Variants in ABCC1 observed in about 807,000 individuals in gnomAD.
ABCC1 encodes the protein multidrug resistance-associated protein 1.
Under a neutral mutation model 172.9 loss-of-function variants are expected in ABCC1, and 83 were observed. That is an observed-to-expected ratio of 0.48 (90% CI 0.40 to 0.58). The LOEUF (loss-of-function observed/expected upper bound fraction) is 0.58, where lower values mean the gene tolerates loss of function less well. Ranked by LOEUF, ABCC1 falls within the 20% of genes least tolerant of loss-of-function variation. The pLI, the probability that ABCC1 is intolerant of heterozygous loss-of-function variation, is 0.00. For synonymous variants in ABCC1, 937 were observed against 825.2 expected (o/e 1.14, Z -2.32); for missense variants, 1,817 against 2,002.7 (o/e 0.91, Z 1.77).
chr16:16,026,908 C>G (rs1160869069), intron 5 of ABCC1, among the ~76,000 whole-genome samples: 4 of 152,124 alleles, frequency 2.6e-5, no homozygotes, highest in Admixed American at 2.6e-4. Context: ...CAGAGTGAGA[C>G]TCAGTCTCAA....
At position 16,134,340 on chromosome 16, in the gene ABCC1, T is replaced by C; in HGVS notation, c.3967-10T>C. The C allele has an allele frequency of 6.2e-7, 1 of 1,614,044 alleles. No individual in the cohort carries two copies. Among genetic ancestry groups the C allele is most frequent in the Non-Finnish European group, 8.5e-7 (1 of 1,180,016 alleles). On this transcript the variant is annotated splice_polypyrimidine_tract_variant and intron_variant, in intron 27 of 30. Transcript: ENST00000399410. ...CATTCCCACCACACCTGGGCCCTTC[T>C]GTCCTGCAGGTCGGCATCGTGGGGC...
At chr16:16,095,678 A>T (rs1225408399) in intron 19 of ABCC1, among the ~76,000 whole-genome samples, 1 of 152,086 alleles carries the variant, frequency 6.6e-6, no homozygotes, top group African/African-American at 2.4e-5. Flanking sequence ...CTTTTAAAAA[A>T]TTTTATTTAT....
At chr16:16,094,549 T>C (rs2051388949) in intron 19 of ABCC1, 1 of 154,190 alleles carries the variant, frequency 6.5e-6, no homozygotes, top group South Asian at 2.0e-4. Flanking sequence ...AGTCTTGCTC[T>C]GTCGCCCAGG....
intron 11 of ABCC1, among the ~76,000 whole-genome samples, chr16:16,055,621 C>T (rs1237983365): frequency 1.3e-5 from 2 of 152,030 alleles, no homozygotes; most frequent in African/African-American, 4.8e-5. Flanking sequence ...TTTGGGTCAG[C>T]AGAGTAGGGA....
At chr16:16,050,729 CAAAAAAAAA>C (rs35207136) in intron 10 of ABCC1, among the ~76,000 whole-genome samples, 2 of 66,614 alleles carry the variant, frequency 3.0e-5, no homozygotes, top group Admixed American at 1.8e-4. Context: ...CCTGTCTCTA[CAAAAAAAAA>C]AAAAAAAAAA....
intron 11 of ABCC1, among the ~76,000 whole-genome samples, chr16:16,054,141 A>T (rs900257425): frequency 2.0e-5 from 3 of 151,900 alleles, no homozygotes; most frequent in Non-Finnish European, 4.4e-5. Context: ...CACCCAGCTA[A>T]TCTTTGTATT....
rs372264057 is a variant in ABCC1 at position 16,132,038 on chromosome 16, C to G, written c.3966+103C>G. On this transcript the variant is annotated intron_variant, in intron 27 of 30. Transcript: ENST00000399410. Reference sequence around the variant, plus strand: ...AGCGTCTCCCCAGTCACTCACGGCTCCACACCTTTGCTTGAATGGCTTTTT... The same window carrying G: ...AGCGTCTCCCCAGTCACTCACGGCTGCACACCTTTGCTTGAATGGCTTTTT... The G allele has an allele frequency of 9.8e-6, 14 of 1,429,130 alleles. No individual in the cohort carries two copies. The African/African-American group carries it at 1.4e-4, about 15-fold the overall frequency. 88.5% of individuals were successfully genotyped at this position (1,429,130 alleles called of 1,614,324 possible). A position where few individuals can be genotyped will look rare whatever the true frequency, so the allele number is the denominator to read the frequency against.
intron 26 of ABCC1, 119 bp from the exon 27 acceptor site, chr16:16,131,670 T>G: frequency 8.9e-7 from 1 of 1,128,028 alleles, no homozygotes. Flanking sequence ...AACCCCCCAG[T>G]GCTGAGGCCT....
Position 16,036,505 on chromosome 16 carries a change from G to A in ABCC1, c.711G>A (p.Glu237=). The change falls in exon 7 of 31, where the codon GAG becomes GAA. Residue 237 remains glutamate, a synonymous_variant. Coordinates refer to ENST00000399410, the MANE Select transcript of ABCC1 (RefSeq NM_004996.4). ...LIVRGYRQPL[E]GSDLWSLNKE... is the part of the protein sequence containing the mutation. ...TCCGGGGCTACCGCCAGCCCCTGGA[G>A]GGCAGTGACCTCTGGTCCTTAAACA... is the stretch of plus-strand genomic sequence containing the variant. 6.2e-7 allele frequency: 1 copy of A among 1,613,980 alleles called. No individual in the cohort carries two copies.
At chr16:16,025,859 T>C (rs966353879) in intron 5 of ABCC1, among the ~76,000 whole-genome samples, 8 of 152,164 alleles carry the variant, frequency 5.3e-5, no homozygotes, top group African/African-American at 1.9e-4. Flanking sequence ...TCATTTCAAA[T>C]GAAAGAGGGA....
chr16:15,995,171 T>C (rs936349085), intron 1 of ABCC1, among the ~76,000 whole-genome samples: 1 of 151,900 alleles, frequency 6.6e-6, no homozygotes, highest in African/African-American at 2.4e-5. Flanking sequence ...CTGTGTATGC[T>C]GCTTGCAGGT....
chr16:16,118,181 T>A (rs1308652812), intron 23 of ABCC1, among the ~76,000 whole-genome samples: 1 of 152,156 alleles, frequency 6.6e-6, no homozygotes, highest in Non-Finnish European at 1.5e-5. Context: ...AGGGATGGGT[T>A]GTTTAGATGG....
intron 16 of ABCC1, among the ~76,000 whole-genome samples, chr16:16,081,689 C>A (rs1456882654): frequency 6.6e-6 from 1 of 152,196 alleles, no homozygotes; most frequent in Non-Finnish European, 1.5e-5. Context: ...TACCTGGGAC[C>A]TGCTGTCAGC....
At chr16:16,064,828 A>G (rs1296158301) in intron 12 of ABCC1, among the ~76,000 whole-genome samples, 1 of 152,252 alleles carries the variant, frequency 6.6e-6, no homozygotes, top group Non-Finnish European at 1.5e-5. Context: ...ATCTCCAGTC[A>G]TGGAACATTC....
At chr16:16,099,276 C>T (rs375870209) in intron 19 of ABCC1, among the ~76,000 whole-genome samples, 1 of 152,316 alleles carries the variant, frequency 6.6e-6, no homozygotes, top group South Asian at 2.1e-4. Context: ...ACGCATAGAT[C>T]CTGGGGCACA....
rs1277706143 is a variant in ABCC1 at position 16,048,406 on chromosome 16, C to T, written c.1380+103C>T. ...TTGATGGTAATGGCATGTAGAGCTCCCTGGCAGTTCCGGCTGTGGTTCATA... is the reference window on the plus strand; with the variant it reads ...TTGATGGTAATGGCATGTAGAGCTCTCTGGCAGTTCCGGCTGTGGTTCATA... On this transcript the variant is annotated intron_variant, in intron 10 of 30. Coordinates refer to ENST00000399410, the MANE Select transcript of ABCC1 (RefSeq NM_004996.4). 4 of 1,318,452 alleles carry T rather than the reference C, an allele frequency of 3.0e-6. No individual in the cohort carries two copies. In the Admixed American group the frequency reaches 8.4e-5, roughly 28 times the overall value. The allele number at this position is 1,318,452 out of a possible 1,614,324, so 81.7% of individuals were successfully genotyped here. A position where few individuals can be genotyped will look rare whatever the true frequency, so the allele number is the denominator to read the frequency against.
rs1051747050 is a variant in ABCC1, at chr16:16,106,977, C to T, written c.2871+104C>T. On this transcript the variant is annotated intron_variant, in intron 21 of 30. Coordinates refer to ENST00000399410, the MANE Select transcript of ABCC1 (RefSeq NM_004996.4). Reference sequence around the variant, plus strand: ...CCTTGTCTATGTTAACTCACCTGTCCATCACAACACACCTGTGAAGATACT... The same window carrying T: ...CCTTGTCTATGTTAACTCACCTGTCTATCACAACACACCTGTGAAGATACT... 5 of 1,442,932 alleles carry T rather than the reference C, an allele frequency of 3.5e-6. No homozygotes were observed. The Admixed American group carries it at 9.9e-5, about 29-fold the overall frequency. The allele number at this position is 1,442,932 out of a possible 1,614,324, so 89.4% of individuals were successfully genotyped here.
chr16:16,114,920 G>T lies in ABCC1; in HGVS notation c.3234G>T (p.Lys1078Asn). Residue 1078 changes from lysine (K) to asparagine (N), a missense_variant, in exon 23 of 31, where the codon AAG becomes AAT. Transcript: ENST00000399410. ...GGAACCTGGTGAACCGCTTCTCCAA[G>T]GAGCTGGACACAGTGGACTCCATGA... is the stretch of plus-strand genomic sequence containing the variant. ...PSGNLVNRFS[K>N]ELDTVDSMIP... The T allele has an allele frequency of 6.2e-7, 1 of 1,614,038 alleles. No individual in the cohort carries two copies. The highest frequency in any genetic ancestry group is 8.5e-7 in the Non-Finnish European group (1 of 1,179,976).
chr16:16,048,432 T>A, intron 10 of ABCC1, 129 bp downstream of exon 10: 2 of 1,136,582 alleles, frequency 1.8e-6, no homozygotes, highest in Non-Finnish European at 2.5e-6. Flanking sequence ...GTGGTTCATA[T>A]TTTATTTTCC....
Sources: allele counts gnomAD v4.1 joint callset (sites outside exome capture counted in the v4.1 genomes callset), GRCh38; gene constraint gnomAD v4.1.1; transcripts MANE v1.5; gene names NCBI Gene and HGNC (gene_info 2026-07-23, HGNC 2026-07-21).